The following FSIP1 variants were observed in gnomAD, a reference collection of about 807,000 sequenced individuals.
The protein encoded by FSIP1 is fibrous sheath-interacting protein 1.
A neutral mutation model predicts 60.9 loss-of-function variants in FSIP1; 65 were observed. The ratio of observed to expected loss-of-function variants is 1.07; its 90% confidence interval spans 0.87 to 1.31. FSIP1 has a LOEUF of 1.31. Among genes scored for constraint, FSIP1 ranks in the 40% most tolerant of loss-of-function variants. The pLI is 0.00. For missense variants in FSIP1, 675 were observed against 665.5 expected, an observed-to-expected ratio of 1.01 and a Z score of -0.16; for synonymous variants, 209 against 221.2, an observed-to-expected ratio of 0.94 and a Z score of 0.49.
chr15:39,752,219 C>G (rs1288613872), intron 5 of FSIP1, among the ~76,000 whole-genome samples: 3 of 151,908 alleles, frequency 2.0e-5, no homozygotes, highest in African/African-American at 7.2e-5. Context: ...AGGTTTTCTT[C>G]TAGAATTTTT....
At chr15:39,631,086 G>A (rs1303670376) in intron 10 of FSIP1, among the ~76,000 whole-genome samples, 1 of 152,170 alleles carries the variant, frequency 6.6e-6, no homozygotes, top group Admixed American at 6.5e-5. Context: ...TCATCTCTGT[G>A]TTCCCATACC....
intron 5 of FSIP1, among the ~76,000 whole-genome samples, chr15:39,760,514 G>A (rs1331097007): frequency 6.6e-6 from 1 of 152,186 alleles, no homozygotes; most frequent in Non-Finnish European, 1.5e-5. Flanking sequence ...ATAACTTCCA[G>A]AGTATGCTTG....
At position 39,726,640 on chromosome 15, in the gene FSIP1, G is replaced by C. The variant is rs755464453; in HGVS notation, c.999C>G (p.Ala333=). Residue 333 remains alanine, a synonymous_variant, in exon 9 of 12, where the codon GCC becomes GCG. Coordinates refer to ENST00000350221, the MANE Select transcript of FSIP1 (RefSeq NM_152597.5). ...GAGAAAAACTGGAAATTGTAGGGGA[G>C]GCTGCAGAGAGTTCTTGGAGTTTTA... is the stretch of plus-strand genomic sequence containing the variant. ...IDIKLQELSA[A]SPTISSFSPR... is the part of the protein sequence containing the mutation. The C allele has an allele frequency of 6.2e-7, 1 of 1,613,996 alleles. No individual in the cohort carries two copies. The highest frequency in any genetic ancestry group is 8.5e-7 in the Non-Finnish European group (1 of 1,180,010).
At chr15:39,776,120 A>C (rs1426151958) in intron 2 of FSIP1, among the ~76,000 whole-genome samples, 1 of 135,594 alleles carries the variant, frequency 7.4e-6, no homozygotes, top group East Asian at 2.5e-4. Flanking sequence ...AAGGAAAAAA[A>C]GGAAGGTGGG....
At chr15:39,754,135 T>C (rs1024441747) in intron 5 of FSIP1, among the ~76,000 whole-genome samples, 1 of 152,064 alleles carries the variant, frequency 6.6e-6, no homozygotes, top group African/African-American at 2.4e-5. Flanking sequence ...TGTGAGGACA[T>C]ACACGCATCC....
intron 9 of FSIP1, among the ~76,000 whole-genome samples, chr15:39,721,981 G>C (rs1195899898): frequency 1.3e-5 from 2 of 152,144 alleles, no homozygotes; most frequent in African/African-American, 4.8e-5. Context: ...TGACCCCCCA[G>C]GCCATGGACG....
intron 3 of FSIP1, among the ~76,000 whole-genome samples, chr15:39,767,836 CCTCTACCA>C (rs1415758802): frequency 2.0e-5 from 3 of 152,202 alleles, no homozygotes; most frequent in African/African-American, 7.2e-5. Flanking sequence ...CTGAGAGCTA[CCTCTACCA>C]CTCAATAAAA....
At chr15:39,644,382 C>T (rs941358220) in intron 10 of FSIP1, among the ~76,000 whole-genome samples, 3 of 152,112 alleles carry the variant, frequency 2.0e-5, no homozygotes, top group African/African-American at 4.8e-5. Flanking sequence ...TTTCGTTTCC[C>T]GGGGACAGGT....
intron 10 of FSIP1, among the ~76,000 whole-genome samples, chr15:39,700,035 G>A (rs543461249): frequency 6.6e-6 from 1 of 152,252 alleles, no homozygotes; most frequent in South Asian, 2.1e-4. Context: ...CCTGATTCAA[G>A]TTCTTGGTTC....
intron 10 of FSIP1, among the ~76,000 whole-genome samples, chr15:39,621,568 C>T (rs1291561260): frequency 1.3e-5 from 2 of 152,286 alleles, no homozygotes; most frequent in East Asian, 3.9e-4. Flanking sequence ...ACATTAAATT[C>T]TAACTCTAAA....
intron 10 of FSIP1, among the ~76,000 whole-genome samples, chr15:39,707,592 G>A (rs1042068123): frequency 1.3e-5 from 2 of 152,074 alleles, no homozygotes; most frequent in Non-Finnish European, 2.9e-5. Context: ...ACAAGCTTAT[G>A]TAAATGCCAT....
intron 10 of FSIP1, among the ~76,000 whole-genome samples, chr15:39,624,540 G>T (rs144757262): frequency 6.6e-6 from 1 of 152,088 alleles, no homozygotes; most frequent in Non-Finnish European, 1.5e-5. Flanking sequence ...AAAAATCAAG[G>T]GGGAAAAATA....
intron 5 of FSIP1, among the ~76,000 whole-genome samples, chr15:39,757,673 T>C (rs1364634126): frequency 1.3e-5 from 2 of 152,106 alleles, no homozygotes; most frequent in Non-Finnish European, 1.5e-5. Flanking sequence ...GAAATTTCAT[T>C]AAGGAATTTG....
At chr15:39,766,769 G>A (rs1452046114) in intron 3 of FSIP1, among the ~76,000 whole-genome samples, 2 of 152,184 alleles carry the variant, frequency 1.3e-5, no homozygotes, top group African/African-American at 4.8e-5. Context: ...TGCTAAGTAA[G>A]GCCAAATTTA....
intron 10 of FSIP1, among the ~76,000 whole-genome samples, chr15:39,630,539 G>T (rs11632879): frequency 0.18 from 27,560 of 152,090 alleles, 3,045 homozygotes; most frequent in East Asian, 0.32. Flanking sequence ...GGGCATGGAG[G>T]GAACAGGGCT....
intron 2 of FSIP1, among the ~76,000 whole-genome samples, chr15:39,771,794 C>G (rs139152026): frequency 6.6e-6 from 1 of 152,128 alleles, no homozygotes; most frequent in Non-Finnish European, 1.5e-5. Context: ...GTTCCCTGTT[C>G]AAAAACATAT....
intron 10 of FSIP1, among the ~76,000 whole-genome samples, chr15:39,633,854 G>C (rs1892014779): frequency 6.6e-6 from 1 of 152,128 alleles, no homozygotes; most frequent in Admixed American, 6.5e-5. Flanking sequence ...ATACACACTG[G>C]ACAATAGGTG....
intron 11 of FSIP1, among the ~76,000 whole-genome samples, chr15:39,609,832 A>T (rs1343015371): frequency 1.3e-5 from 2 of 152,250 alleles, no homozygotes; most frequent in Non-Finnish European, 2.9e-5. Flanking sequence ...GATCTGTCTC[A>T]TCAGACCACA....
intron 10 of FSIP1, among the ~76,000 whole-genome samples, chr15:39,713,148 T>A (rs939835640): frequency 2.0e-5 from 3 of 152,264 alleles, no homozygotes; most frequent in African/African-American, 7.2e-5. Flanking sequence ...ATTATATTTT[T>A]AGCTTTTATT....
Sources: gnomAD v4.1 joint callset for allele counts (sites outside exome capture counted in the v4.1 genomes callset) on GRCh38, gnomAD v4.1.1 for gene constraint, MANE v1.5 for transcripts, NCBI Gene and HGNC (gene_info 2026-07-23, HGNC 2026-07-21) for gene names.